GLIS3: variants seen among roughly 807,000 people sequenced by gnomAD.
The protein encoded by GLIS3 is GLIS family zinc finger 3, also known as zinc finger protein GLIS3.
A neutral mutation model predicts 78.6 loss-of-function variants in GLIS3; 53 were observed. The observed-to-expected ratio is 0.67, with a 90% CI of 0.54 to 0.85. The LOEUF (loss-of-function observed/expected upper bound fraction) is 0.85. Ranked by LOEUF, GLIS3 falls within the 40% of genes least tolerant of loss-of-function variation. The pLI is 0.00. For synonymous variants in GLIS3, 684 were observed against 509.9 expected, an observed-to-expected ratio of 1.34 and a Z score of -4.60; for missense variants, 1,703 against 1,231.1, an observed-to-expected ratio of 1.38 and a Z score of -5.74.
chr9:4,049,029 G>A (rs983198066), intron 4 of GLIS3, among the ~76,000 whole-genome samples: 1 of 152,134 alleles, frequency 6.6e-6, no homozygotes, highest in Admixed American at 6.6e-5. Flanking sequence ...CATACAGAGA[G>A]GGCTAAGAAC....
At chr9:4,067,592 T>G (rs1328591885) in intron 4 of GLIS3, among the ~76,000 whole-genome samples, 6 of 152,090 alleles carry the variant, frequency 3.9e-5, no homozygotes, top group African/African-American at 1.4e-4. Context: ...TCCCAGTTTA[T>G]CTCCTCAAAT....
the GLIS3 span, among the ~76,000 whole-genome samples, chr9:4,447,315 A>G: frequency 3.5e-4 from 53 of 152,028 alleles, 2 homozygotes; most frequent in East Asian, 6.2e-3. Context: ...CTAAAGTGCT[A>G]GGATTGATCC....
intron 2 of GLIS3, among the ~76,000 whole-genome samples, chr9:4,329,621 G>T (rs1175905140): frequency 1.3e-5 from 2 of 151,748 alleles, no homozygotes; most frequent in East Asian, 1.9e-4. Context: ...ATCTCTACAG[G>T]GTTCTATAGC....
At chr9:3,834,282 A>C (rs546319406) in intron 9 of GLIS3, among the ~76,000 whole-genome samples, 1 of 152,286 alleles carries the variant, frequency 6.6e-6, no homozygotes, top group Admixed American at 6.5e-5. Context: ...GGAGTGGGGA[A>C]GGTTAGAGGA....
rs369931287 is a variant in GLIS3 at position 3,828,100 on chromosome 9, C to G, written c.*172G>C. ...AGAAAAAGGAGCAACTGTAATGATT[C>G]CTGCAAAGCTAGCTCTGCCATTCAG... On this transcript the variant is annotated 3_prime_UTR_variant, in exon 11 of 11. Transcript: ENST00000381971. The G allele has an allele frequency of 2.2e-4, 154 of 706,822 alleles. 1 individual carries two copies. The highest frequency in any genetic ancestry group is 2.0e-3 in the East Asian group (75 of 37,140). 43.8% of individuals were successfully genotyped at this position (706,822 alleles called of 1,614,324 possible).
intron 2 of GLIS3, among the ~76,000 whole-genome samples, chr9:4,205,786 T>C (rs886814666): frequency 2.6e-4 from 40 of 152,248 alleles, no homozygotes; most frequent in African/African-American, 9.6e-4. Context: ...AGACTAAGAA[T>C]CCAGGCTGAC....
chr9:4,469,293 A>C, the GLIS3 span, among the ~76,000 whole-genome samples: 14 of 152,202 alleles, frequency 9.2e-5, no homozygotes, highest in Non-Finnish European at 1.9e-4. Flanking sequence ...GACCTAATAG[A>C]CATCTACAGA....
chr9:4,304,303 A>G (rs985364588), upstream of GLIS3, among the ~76,000 whole-genome samples: 2 of 152,182 alleles, frequency 1.3e-5, no homozygotes, highest in Non-Finnish European at 2.9e-5. Context: ...AGTGTGAAGG[A>G]GGCAGGAATA....
intron 2 of GLIS3, among the ~76,000 whole-genome samples, chr9:4,168,685 A>C (rs1816100355): frequency 6.6e-6 from 1 of 152,222 alleles, no homozygotes; most frequent in East Asian, 1.9e-4. Context: ...TTCTGGTTTT[A>C]TGAGTGTTGT....
At chr9:4,074,808 C>G (rs994439657) in intron 4 of GLIS3, among the ~76,000 whole-genome samples, 3 of 152,162 alleles carry the variant, frequency 2.0e-5, no homozygotes, top group Non-Finnish European at 4.4e-5. Context: ...ATCTTGGTAA[C>G]GAGATCTTGC....
At chr9:4,467,002 C>T in the GLIS3 span, among the ~76,000 whole-genome samples, 19 of 152,074 alleles carry the variant, frequency 1.2e-4, no homozygotes, top group Non-Finnish European at 2.4e-4. Context: ...CCTGGCTCGG[C>T]GGGTCCCATG....
chr9:4,312,707 G>T (rs1392486548), intron 2 of GLIS3, among the ~76,000 whole-genome samples: 1 of 152,136 alleles, frequency 6.6e-6, no homozygotes, highest in African/African-American at 2.4e-5. Flanking sequence ...TTATGGCTCT[G>T]CTCACTTCGT....
At chr9:4,283,002 T>C (rs1827687972) in intron 2 of GLIS3, among the ~76,000 whole-genome samples, 1 of 152,092 alleles carries the variant, frequency 6.6e-6, no homozygotes, top group Non-Finnish European at 1.5e-5. Flanking sequence ...CACCAGGATT[T>C]CTTCCCTCCA....
At chr9:3,962,860 C>T (rs375585717) in intron 4 of GLIS3, among the ~76,000 whole-genome samples, 12 of 150,508 alleles carry the variant, frequency 8.0e-5, no homozygotes, top group Non-Finnish European at 1.6e-4. Context: ...GGCATAGTAA[C>T]GAAGTCCTGA....
At chr9:4,024,802 C>T (rs1823185152) in intron 4 of GLIS3, among the ~76,000 whole-genome samples, 1 of 152,204 alleles carries the variant, frequency 6.6e-6, no homozygotes, top group Non-Finnish European at 1.5e-5. Context: ...TAGATTGCTT[C>T]CTCCTGTTTA....
intron 4 of GLIS3, among the ~76,000 whole-genome samples, chr9:4,075,447 G>C (rs1396166270): frequency 1.4e-5 from 2 of 146,348 alleles, no homozygotes; most frequent in South Asian, 2.2e-4. Context: ...ATAGTGGCGG[G>C]TGCCTGTACT....
chr9:3,866,721 G>C (rs1362037880), intron 8 of GLIS3, among the ~76,000 whole-genome samples: 1 of 152,174 alleles, frequency 6.6e-6, no homozygotes, highest in Admixed American at 6.5e-5. Flanking sequence ...ATTTAGCAGA[G>C]GCCGTACCAT....
At chr9:4,286,650 T>C (rs1748275461) in intron 1 of GLIS3, 127 bp from the exon 2 acceptor site, 1 of 592,184 alleles carries the variant, frequency 1.7e-6, no homozygotes. Flanking sequence ...GCCTTTTATG[T>C]AGAAAAGGGT....
At chr9:4,288,411 T>A (rs1212583694) in intron 1 of GLIS3, among the ~76,000 whole-genome samples, 3 of 151,902 alleles carry the variant, frequency 2.0e-5, no homozygotes, top group Non-Finnish European at 4.4e-5. Flanking sequence ...GAAATATGAG[T>A]CACTAAGACC....
Sources: gnomAD v4.1 joint callset for allele counts (sites outside exome capture counted in the v4.1 genomes callset) on GRCh38, gnomAD v4.1.1 for gene constraint, MANE v1.5 for transcripts, NCBI Gene and HGNC (gene_info 2026-07-23, HGNC 2026-07-21) for gene names.